Variants in ST8SIA5 observed in about 807,000 individuals in gnomAD.
ST8SIA5 encodes ST8 alpha-N-acetyl-neuraminide alpha-2,8-sialyltransferase 5.
ST8SIA5 carries 24 observed loss-of-function variants against 40.2 expected under a neutral mutation model. That is an observed-to-expected ratio of 0.60 (90% confidence interval 0.43 to 0.84). The LOEUF is 0.84. Among genes scored for constraint, ST8SIA5 ranks in the 40% least tolerant of loss-of-function variants. The probability of loss-of-function intolerance (pLI) is 0.00; values close to 1 mark genes in which losing one functional copy is unlikely to be tolerated. For missense variants in ST8SIA5, 465 were observed against 498.5 expected (o/e 0.93, Z 0.64); for synonymous variants, 198 against 201.8 (o/e 0.98, Z 0.16).
chr18:46,749,531 T>C (rs1346498624), intron 1 of ST8SIA5, among the ~76,000 whole-genome samples: 1 of 152,192 alleles, frequency 6.6e-6, no homozygotes, highest in Non-Finnish European at 1.5e-5. Flanking sequence ...GAAAAATGTC[T>C]ACATAGAAAT....
At chr18:46,682,747 G>A (rs1218179321) in intron 5 of ST8SIA5, among the ~76,000 whole-genome samples, 2 of 152,104 alleles carry the variant, frequency 1.3e-5, no homozygotes, top group African/African-American at 4.8e-5. Flanking sequence ...TCATCACAAG[G>A]GTCTTTATAA....
intron 1 of ST8SIA5, among the ~76,000 whole-genome samples, chr18:46,705,802 C>T (rs184561945): frequency 2.0e-4 from 30 of 152,342 alleles, no homozygotes; most frequent in African/African-American, 7.0e-4. Context: ...GATCAGTGGC[C>T]TGGCAACACG....
intron 1 of ST8SIA5, among the ~76,000 whole-genome samples, chr18:46,736,255 A>T (rs1208256789): frequency 6.6e-6 from 1 of 152,214 alleles, no homozygotes; most frequent in East Asian, 1.9e-4. Context: ...CAGTAGTCAC[A>T]TGGGGCTAGT....
Position 46,680,360 on chromosome 18 carries a change from C to A in ST8SIA5, c.813G>T (p.Pro271=), listed in dbSNP as rs762848403. The change falls in exon 7 of 7, where the codon CCG becomes CCT. Residue 271 remains proline (P), a synonymous_variant. Coordinates refer to ENST00000315087, the MANE Select transcript of ST8SIA5 (RefSeq NM_013305.6). ...VKYVLDDFES[P]QAVYYFHPQY... is the part of the protein sequence containing the mutation. ...GCGGATGGAAGTAGTAGACAGCTTGCGGCGATTCGAAGTCGTCCAGCACGT... is the reference window on the plus strand; with the variant it reads ...GCGGATGGAAGTAGTAGACAGCTTGAGGCGATTCGAAGTCGTCCAGCACGT... The A allele has an allele frequency of 1.5e-5, 25 of 1,614,018 alleles. 1 individual carries two copies. The South Asian group carries it at 2.6e-4, about 17-fold the overall frequency.
intron 1 of ST8SIA5, among the ~76,000 whole-genome samples, chr18:46,722,478 C>G (rs1013991784): frequency 6.6e-6 from 1 of 152,246 alleles, no homozygotes; most frequent in African/African-American, 2.4e-5. Context: ...GTCACACACC[C>G]TGCCTTCCAG....
chr18:46,754,738 G>A (rs117832653), intron 1 of ST8SIA5, among the ~76,000 whole-genome samples: 2,720 of 152,338 alleles, frequency 0.018, 28 homozygotes, highest in Middle Eastern at 0.034. Flanking sequence ...TTTGGTTGGC[G>A]TTTGCCATGG....
At chr18:46,743,215 G>A (rs765759808) in intron 1 of ST8SIA5, among the ~76,000 whole-genome samples, 6 of 152,214 alleles carry the variant, frequency 3.9e-5, no homozygotes, top group Non-Finnish European at 7.3e-5. Flanking sequence ...GAATGACTTT[G>A]ATGAGTTGAC....
intron 1 of ST8SIA5, among the ~76,000 whole-genome samples, chr18:46,720,767 C>T (rs1419505658): frequency 2.0e-5 from 3 of 152,186 alleles, no homozygotes; most frequent in Admixed American, 1.3e-4. Context: ...ACAATACCCT[C>T]CCTGCAATGA....
At chr18:46,707,566 G>T (rs2039682161) in intron 1 of ST8SIA5, among the ~76,000 whole-genome samples, 1 of 152,130 alleles carries the variant, frequency 6.6e-6, no homozygotes, top group South Asian at 2.1e-4. Flanking sequence ...ATGACCTTGT[G>T]CCGTGGTTTT....
chr18:46,688,729 A>G (rs2039472717), intron 4 of ST8SIA5, 46 bp downstream of exon 4: 1 of 1,578,470 alleles, frequency 6.3e-7, no homozygotes, highest in Non-Finnish European at 8.6e-7. Context: ...CTACTGCTGG[A>G]TTGGCTCCCT....
rs1356319601 is a variant in ST8SIA5, at chr18:46,682,056, A to C, written c.578T>G (p.Leu193Arg). 1 of 1,597,984 alleles carries C rather than the reference A, an allele frequency of 6.3e-7. No homozygotes were observed. Among genetic ancestry groups the C allele is most frequent in the Non-Finnish European group, 8.5e-7 (1 of 1,171,654 alleles). The change falls in exon 6 of 7, where the codon CTG becomes CGG. Residue 193 changes from leucine (L) to arginine (R), a missense_variant. Leu to Arg is a moderately radical substitution (Grantham distance 102, BLOSUM62 -2). Transcript: ENST00000315087. ...NSADFVFRCN[L>R]PPISEKYTMD... ...GGTGTACTTCTCTGAGATGGGGGGC[A>C]GGTTGCACCTGCAGAAGAGAAAAGG...
Position 46,680,223 on chromosome 18 carries a change from T to G in ST8SIA5, c.950A>C (p.His317Pro), listed in dbSNP as rs773045779. 1 of 1,614,054 alleles carries G rather than the reference T, an allele frequency of 6.2e-7. No individual in the cohort carries two copies. Among genetic ancestry groups the G allele is most frequent in the Non-Finnish European group, 8.5e-7 (1 of 1,180,002 alleles). Residue 317 changes from histidine to proline, a missense_variant, in exon 7 of 7, where the codon CAC becomes CCC. His to Pro is a moderately conservative substitution (Grantham distance 77). Transcript: ENST00000315087. ...GGGGAAGGCCCAGAAGCCAAAGAGG[T>G]GCACCTCCTCACAGAGCTCCAGCGC... ...TAALELCEEV[H>P]LFGFWAFPMN... is the part of the protein sequence containing the mutation.
rs555803444 is a variant in ST8SIA5 at position 46,671,758 on chromosome 18, G to T, written c.*8284C>A. 6.6e-5 allele frequency: 10 copies of T among 152,304 alleles called. No individual in the cohort carries two copies. In the East Asian group the frequency reaches 1.9e-3, roughly 29 times the overall value. 9.4% of individuals were successfully genotyped at this position (152,304 alleles called of 1,614,324 possible). Reference sequence around the variant, plus strand: ...AATATGTCATAATATTTATCTGAATGCTAAAATGTTCAGAAAAAGAAAAGC... The same window carrying T: ...AATATGTCATAATATTTATCTGAATTCTAAAATGTTCAGAAAAAGAAAAGC... On this transcript the variant is annotated 3_prime_UTR_variant, in exon 7 of 7. Transcript: ENST00000315087.
intron 1 of ST8SIA5, among the ~76,000 whole-genome samples, chr18:46,714,857 T>C (rs2039770842): frequency 2.0e-5 from 3 of 152,282 alleles, no homozygotes; most frequent in Admixed American, 2.0e-4. Flanking sequence ...CAGAAAGGTT[T>C]GTGTAAGTGG....
chr18:46,698,279 A>C (rs899937953), intron 2 of ST8SIA5, among the ~76,000 whole-genome samples: 17 of 151,858 alleles, frequency 1.1e-4, no homozygotes, highest in Non-Finnish European at 4.4e-5. Context: ...CACCAATCAA[A>C]CCAACAACCC....
intron 1 of ST8SIA5, among the ~76,000 whole-genome samples, chr18:46,710,115 T>C (rs113657758): frequency 0.02 from 3,061 of 152,274 alleles, 92 homozygotes; most frequent in African/African-American, 0.069. Context: ...CAGCGGGTGA[T>C]ATCAGGAGCC....
chr18:46,711,783 A>T (rs539823264), intron 1 of ST8SIA5, among the ~76,000 whole-genome samples: 1 of 152,346 alleles, frequency 6.6e-6, no homozygotes, highest in East Asian at 1.9e-4. Flanking sequence ...ATGCCATGGC[A>T]GTGGAGAGCC....
rs546114312 is a variant in ST8SIA5 at position 46,753,268 on chromosome 18, C to T, written c.131+3110G>A. 2.6e-5 allele frequency among the ~76,000 whole-genome samples: 4 copies of T among 152,266 alleles called. No individual in the cohort carries two copies. The South Asian group carries it at 8.3e-4, about 32-fold the overall frequency. On this transcript the variant is annotated intron_variant, in intron 1 of 6. Transcript: ENST00000315087. ...ACCAAGTTTGGTGTTCACAGTGCAG[C>T]TGGGAACAAAACAGAGCAAATTGGT...
chr18:46,732,888 C>T (rs1032317489), intron 1 of ST8SIA5, among the ~76,000 whole-genome samples: 1 of 34,450 alleles, frequency 2.9e-5, no homozygotes, highest in African/African-American at 1.3e-4. Flanking sequence ...CTCTGGGTCT[C>T]GGGAGGGCTG....
Sources: gnomAD v4.1 joint callset for allele counts (sites outside exome capture counted in the v4.1 genomes callset) on GRCh38, gnomAD v4.1.1 for gene constraint, MANE v1.5 for transcripts, NCBI Gene and HGNC (gene_info 2026-07-23, HGNC 2026-07-21) for gene names.